GAPVD1: variants seen among roughly 807,000 people sequenced by gnomAD.
GAPVD1 encodes GTPase activating protein and VPS9 domains 1, also known as GTPase-activating protein and VPS9 domain-containing protein 1.
In GAPVD1, 35 loss-of-function variants were observed where a neutral mutation model predicts 155.5. The observed-to-expected ratio is 0.23, with a 90% CI of 0.17 to 0.30. The LOEUF (loss-of-function observed/expected upper bound fraction) is 0.30, where lower values mean the gene tolerates loss of function less well. Ranked by LOEUF, GAPVD1 falls within the 10% of genes least tolerant of loss-of-function variation. The pLI, the probability that GAPVD1 is intolerant of heterozygous loss-of-function variation, is 1.00. For synonymous variants in GAPVD1, 636 were observed against 619.7 expected (o/e 1.03, Z -0.39); for missense variants, 1,429 against 1,775.7 (o/e 0.80, Z 3.51).
rs1836649490 is a variant in GAPVD1 at position 125,280,675 on chromosome 9, A to G, written c.-150+11691A>G. Among the ~76,000 whole-genome samples the G allele has an allele frequency of 2.7e-5, 4 of 149,200 alleles. No individual in the cohort carries two copies. In the South Asian group the frequency reaches 6.3e-4, roughly 23 times the overall value. Reference sequence around the variant, plus strand: ...ACTGCAAACTCCGCCTCCTGGGTTCACGCCATTCTCCCACCTCAGCCTCTC... The same window carrying G: ...ACTGCAAACTCCGCCTCCTGGGTTCGCGCCATTCTCCCACCTCAGCCTCTC... On this transcript the variant is annotated intron_variant, in intron 2 of 27. Coordinates refer to ENST00000297933, the MANE Select transcript of GAPVD1 (RefSeq NM_001282680.3).
intron 4 of GAPVD1, among the ~76,000 whole-genome samples, chr9:125,299,899 A>T (rs1469132354): frequency 7.0e-6 from 1 of 142,610 alleles, no homozygotes; most frequent in Admixed American, 7.1e-5. Flanking sequence ...TACGCCTGTA[A>T]TCCCAGCTAC....
chr9:125,322,151 G>T (rs1405275732), intron 10 of GAPVD1, among the ~76,000 whole-genome samples: 1 of 151,764 alleles, frequency 6.6e-6, no homozygotes, highest in Admixed American at 6.6e-5. Context: ...TGCAAGCTCC[G>T]CCTCCCGGGT....
intron 1 of GAPVD1, among the ~76,000 whole-genome samples, 163 bp from the exon 2 acceptor site, chr9:125,268,773 G>GTTCATCTGC (rs1834408089): frequency 6.6e-6 from 1 of 152,010 alleles, no homozygotes; most frequent in South Asian, 2.1e-4. Flanking sequence ...AGTTCAAGTA[G>GTTCATCTGC]TTCATCTGCC....
intron 2 of GAPVD1, among the ~76,000 whole-genome samples, chr9:125,282,464 A>G (rs566089847): frequency 3.6e-4 from 55 of 152,192 alleles, no homozygotes; most frequent in African/African-American, 1.3e-3. Flanking sequence ...TTTTACTTTT[A>G]GTTAAGTCTT....
rs532091429 is a variant in GAPVD1, at chr9:125,264,031, C to T, written c.-199+2072C>T. 1.5e-5 allele frequency: 18 copies of T among 1,196,132 alleles called. 1 individual carries two copies. The highest frequency in any genetic ancestry group is 1.3e-4 in the South Asian group (11 of 81,802). The allele number at this position is 1,196,132 out of a possible 1,614,324, so 74.1% of individuals were successfully genotyped here. A position where few individuals can be genotyped will look rare whatever the true frequency, so the allele number is the denominator to read the frequency against. ...CTGGGTGCTTAGGCATGTGGACATC[C>T]TTCTTGGCCACCATGACTCCCTCCT... On this transcript the variant is annotated intron_variant, in intron 1 of 27. Coordinates refer to ENST00000297933, the MANE Select transcript of GAPVD1 (RefSeq NM_001282680.3).
At position 125,364,958 on chromosome 9, in the gene GAPVD1, A is replaced by G. The variant is rs1007530326; in HGVS notation, c.*2212A>G. 6.6e-6 allele frequency: 1 copy of G among 152,558 alleles called. No individual in the cohort carries two copies. Among genetic ancestry groups the G allele is most frequent in the African/African-American group, 2.4e-5 (1 of 41,428 alleles). 9.5% of individuals were successfully genotyped at this position (152,558 alleles called of 1,614,324 possible). Reference sequence around the variant, plus strand: ...TTTTTTTTTCTCTGCAATGGTTGCTAAGTCTATTCCATGTTAACACTGTGG... The same window carrying G: ...TTTTTTTTTCTCTGCAATGGTTGCTGAGTCTATTCCATGTTAACACTGTGG... On this transcript the variant is annotated 3_prime_UTR_variant, in exon 28 of 28. Transcript: ENST00000297933.
At chr9:125,338,847 T>C (rs534717480) in intron 17 of GAPVD1, among the ~76,000 whole-genome samples, 8 of 152,308 alleles carry the variant, frequency 5.3e-5, no homozygotes, top group Admixed American at 3.3e-4. Context: ...TAAAAATATG[T>C]AACTATCTGT....
At chr9:125,280,886 C>T (rs1245354251) in intron 2 of GAPVD1, among the ~76,000 whole-genome samples, 1 of 151,930 alleles carries the variant, frequency 6.6e-6, no homozygotes, top group Non-Finnish European at 1.5e-5. Flanking sequence ...ACTGTTACTA[C>T]TTCTAATAAC....
intron 2 of GAPVD1, among the ~76,000 whole-genome samples, chr9:125,270,050 AATTTTTTTTACTGTATACAC>A (rs1834637514): frequency 6.6e-6 from 1 of 152,006 alleles, no homozygotes; most frequent in African/African-American, 2.4e-5. Context: ...TAGGACCAAT[AATTTTTTTTACTGTATACAC>A]ATTTTAGAAT....
At chr9:125,337,853 A>G (rs1313879298) in intron 17 of GAPVD1, among the ~76,000 whole-genome samples, 2 of 152,166 alleles carry the variant, frequency 1.3e-5, no homozygotes, top group African/African-American at 2.4e-5. Flanking sequence ...AAACCTTACA[A>G]TATCTTTCTG....
chr9:125,325,035 G>A (rs1361560853), intron 11 of GAPVD1, among the ~76,000 whole-genome samples: 1 of 151,912 alleles, frequency 6.6e-6, no homozygotes, highest in African/African-American at 2.4e-5. Context: ...GACCAGTCTG[G>A]CCAACATAGT....
rs1839166679 is a variant in GAPVD1, at chr9:125,293,850, T to TTATATATATATATAAATATA, written c.-149-1607_-149-1606insATATATATATATAAATATAT. Among the ~76,000 whole-genome samples, 11 of 42,866 alleles carry TTATATATATATATAAATATA rather than the reference T, an allele frequency of 2.6e-4. 1 individual carries two copies. The highest frequency in any genetic ancestry group is 1.3e-3 in the African/African-American group (11 of 8,340). 28.1% of individuals were successfully genotyped at this position (42,866 alleles called of 152,430 possible). ...AAAAAAATATATATATAAAAATATATTTTATATATATATATATATATATAT... is the reference window on the plus strand; with the variant it reads ...AAAAAAATATATATATAAAAATATATTATATATATATATAAATATATTTATATATATATATATATATATAT... On this transcript the variant is annotated intron_variant, in intron 2 of 27. Coordinates refer to ENST00000297933, the MANE Select transcript of GAPVD1 (RefSeq NM_001282680.3).
chr9:125,349,637 A>G, intron 21 of GAPVD1, 118 bp downstream of exon 21: 1 of 811,472 alleles, frequency 1.2e-6, no homozygotes, highest in African/African-American at 1.7e-5. Flanking sequence ...GAGAAAAATG[A>G]AATGCTGTTT....
At chr9:125,329,027 G>A (rs1444607730) in intron 12 of GAPVD1, among the ~76,000 whole-genome samples, 1 of 152,244 alleles carries the variant, frequency 6.6e-6, no homozygotes, top group Non-Finnish European at 1.5e-5. Context: ...GCAGGCTGAG[G>A]CAGGAGAATC....
rs1448023779 is a variant in GAPVD1 at position 125,365,813 on chromosome 9, A to AT, written c.*3073dup. 1 of 152,016 alleles carries AT rather than the reference A, an allele frequency of 6.6e-6. No homozygotes were observed. The highest frequency in any genetic ancestry group is 1.5e-5 in the Non-Finnish European group (1 of 68,026). The allele number at this position is 152,016 out of a possible 1,614,324, so 9.4% of individuals were successfully genotyped here. On this transcript the variant is annotated 3_prime_UTR_variant, in exon 28 of 28. Coordinates refer to ENST00000297933, the MANE Select transcript of GAPVD1 (RefSeq NM_001282680.3). ...GCCACCACACCCAGCTAATTTTTGT[A>AT]TTTTTTGTAGAGACAGGGTTTCGCC...
intron 18 of GAPVD1, 51 bp from the exon 19 acceptor site, chr9:125,342,168 G>A (rs373378338): frequency 1.5e-5 from 13 of 877,478 alleles, no homozygotes; most frequent in African/African-American, 5.0e-5. Flanking sequence ...GTTAACTTCC[G>A]AGTAGTGCAG....
At chr9:125,291,554 A>C (rs549588933) in intron 2 of GAPVD1, among the ~76,000 whole-genome samples, 1 of 152,186 alleles carries the variant, frequency 6.6e-6, no homozygotes, top group Non-Finnish European at 1.5e-5. Flanking sequence ...TTGTGGGGTC[A>C]TATGATTGTT....
intron 19 of GAPVD1, among the ~76,000 whole-genome samples, chr9:125,345,547 A>G (rs1848404116): frequency 6.6e-6 from 1 of 152,144 alleles, no homozygotes; most frequent in South Asian, 2.1e-4. Context: ...TGCAGTTCAA[A>G]CCCATGTTGT....
rs138389331 is a variant in GAPVD1, at chr9:125,337,476, G to T, written c.2762G>T (p.Arg921Leu). 1.2e-6 allele frequency: 2 copies of T among 1,614,166 alleles called. No individual in the cohort carries two copies. The highest frequency in any genetic ancestry group is 3.3e-5 in the Admixed American group (2 of 60,012). The change falls in exon 17 of 28, where the codon CGT becomes CTT. Residue 921 changes from arginine (R) to leucine (L), a missense_variant. By Grantham distance (102) the Arg-to-Leu change is moderately radical. Around this residue, in one of 4 missense-constraint regions of GAPVD1, gnomAD observed 699 missense variants for 826.0 expected, o/e 0.85. Transcript: ENST00000297933. Reference sequence around the variant, plus strand: ...ATGAGTGACCCCAGCTGGAACCGGCGTCCAGGAAATGAAGAGCGAGAACTC... The same window carrying T: ...ATGAGTGACCCCAGCTGGAACCGGCTTCCAGGAAATGAAGAGCGAGAACTC... The part of the protein sequence containing the change: ...RPMSDPSWNR[R>L]PGNEERELPP...
Sources: gnomAD v4.1 joint callset for allele counts (sites outside exome capture counted in the v4.1 genomes callset) on GRCh38, gnomAD v4.1.1 for gene constraint, gnomAD v4.1.1 regional missense constraint, MANE v1.5 for transcripts, NCBI Gene and HGNC (gene_info 2026-07-23, HGNC 2026-07-21) for gene names.